The following SNX29 variants were observed in gnomAD, a reference collection of about 807,000 sequenced individuals.
SNX29 encodes sorting nexin-29.
SNX29 carries 78 observed loss-of-function variants against 102.1 expected under a neutral mutation model. The observed-to-expected ratio is 0.76, with a 90% confidence interval of 0.64 to 0.92. The LOEUF is 0.92. Ranked by LOEUF, SNX29 falls within the 40% of genes least tolerant of loss-of-function variation. SNX29 has a pLI of 0.00. For missense variants in SNX29, 1,280 were observed against 1,061.7 expected (o/e 1.21, Z -2.86); for synonymous variants, 580 against 414.5 (o/e 1.40, Z -4.85).
intron 18 of SNX29, among the ~76,000 whole-genome samples, chr16:12,471,340 T>C (rs2151796085): frequency 6.6e-6 from 1 of 152,348 alleles, no homozygotes; most frequent in South Asian, 2.1e-4. Flanking sequence ...GTACAAAATG[T>C]TGTCCTGAAT....
intron 15 of SNX29, among the ~76,000 whole-genome samples, chr16:12,317,642 A>G (rs560411467): frequency 2.7e-4 from 41 of 152,348 alleles, no homozygotes; most frequent in African/African-American, 8.2e-4. Flanking sequence ...TGTGCATTTA[A>G]TTAACACCTG....
intron 14 of SNX29, among the ~76,000 whole-genome samples, chr16:12,249,873 T>C (rs2078370864): frequency 6.6e-6 from 1 of 152,242 alleles, no homozygotes; most frequent in South Asian, 2.1e-4. Context: ...TCTTTCACAC[T>C]GTTCCTGTTC....
intron 14 of SNX29, among the ~76,000 whole-genome samples, chr16:12,207,367 A>G (rs1003386797): frequency 1.3e-5 from 2 of 152,170 alleles, no homozygotes; most frequent in African/African-American, 2.4e-5. Flanking sequence ...AAACTTTGTC[A>G]AAAAATAAAA....
Position 12,348,254 on chromosome 16 carries a change from T to A in SNX29, c.1783-7909T>A, listed in dbSNP as rs2081880282. On this transcript the variant is annotated intron_variant, in intron 15 of 20. Coordinates refer to ENST00000566228, the MANE Select transcript of SNX29 (RefSeq NM_032167.5). ...CCAGTCTCCTGGAATGTCTTCATGC[T>A]GGGATTTTCGTTTGAAGCTGTTGTC... Among the ~76,000 whole-genome samples, 3 of 152,182 alleles carry A rather than the reference T, an allele frequency of 2.0e-5. No individual in the cohort carries two copies. In the South Asian group the frequency reaches 6.2e-4, roughly 32 times the overall value.
intron 20 of SNX29, among the ~76,000 whole-genome samples, chr16:12,539,365 A>C (rs2077220724): frequency 6.6e-6 from 1 of 151,868 alleles, no homozygotes; most frequent in South Asian, 2.1e-4. Context: ...ACTGTAAGCA[A>C]CCTCTTGAGG....
chr16:12,057,816 T>A (rs888097097), intron 8 of SNX29, among the ~76,000 whole-genome samples: 1 of 83,578 alleles, frequency 1.2e-5, no homozygotes, highest in African/African-American at 5.8e-5. Context: ...TATATATATT[T>A]TATATATATA....
At chr16:11,980,906 G>C (rs1159729607) in intron 1 of SNX29, among the ~76,000 whole-genome samples, 1 of 151,386 alleles carries the variant, frequency 6.6e-6, no homozygotes, top group Non-Finnish European at 1.5e-5. Context: ...TCCCTTATCA[G>C]GTTTATTGTT....
At chr16:12,529,203 T>G (rs2076866310) in intron 20 of SNX29, among the ~76,000 whole-genome samples, 1 of 152,210 alleles carries the variant, frequency 6.6e-6, no homozygotes, top group African/African-American at 2.4e-5. Context: ...TTTTCTATTT[T>G]GAACTCTGTA....
At chr16:12,369,974 T>A (rs1184920253) in intron 16 of SNX29, among the ~76,000 whole-genome samples, 2 of 152,124 alleles carry the variant, frequency 1.3e-5, no homozygotes, top group Non-Finnish European at 2.9e-5. Flanking sequence ...CCCAGCACTT[T>A]GGGAGGCTGA....
intron 16 of SNX29, among the ~76,000 whole-genome samples, chr16:12,394,361 C>G (rs1038011738): frequency 1.3e-5 from 2 of 152,204 alleles, no homozygotes; most frequent in Non-Finnish European, 1.5e-5. Context: ...GTTAGAAGAG[C>G]AGGCTCTGGA....
chr16:12,223,459 T>G (rs1401786975), intron 14 of SNX29, among the ~76,000 whole-genome samples: 1 of 152,042 alleles, frequency 6.6e-6, no homozygotes, highest in Non-Finnish European at 1.5e-5. Context: ...GTCAGGAGTT[T>G]GAGACCAGCC....
chr16:12,459,909 A>G (rs1179168168), intron 18 of SNX29, among the ~76,000 whole-genome samples: 1 of 152,172 alleles, frequency 6.6e-6, no homozygotes, highest in African/African-American at 2.4e-5. Flanking sequence ...GACTAAGAAG[A>G]TAGAAGGACC....
At chr16:12,554,845 G>A (rs572528465) in intron 20 of SNX29, among the ~76,000 whole-genome samples, 18 of 152,302 alleles carry the variant, frequency 1.2e-4, no homozygotes, top group African/African-American at 3.4e-4. Context: ...TTCCGTAGGT[G>A]CCAGGGTGCT....
chr16:12,149,023 C>G (rs2055186534), intron 13 of SNX29, among the ~76,000 whole-genome samples: 1 of 152,134 alleles, frequency 6.6e-6, no homozygotes, highest in African/African-American at 2.4e-5. Flanking sequence ...CATTAGTTCA[C>G]CGATAGATCT....
chr16:12,399,770 C>T (rs1357918310), intron 17 of SNX29, among the ~76,000 whole-genome samples: 1 of 151,964 alleles, frequency 6.6e-6, no homozygotes, highest in Non-Finnish European at 1.5e-5. Context: ...GGTGGAGAGG[C>T]TGAGGTGGGT....
chr16:12,516,296 A>G (rs2089860742), intron 19 of SNX29, among the ~76,000 whole-genome samples: 1 of 152,176 alleles, frequency 6.6e-6, no homozygotes, highest in African/African-American at 2.4e-5. Context: ...CCTGGGCAAC[A>G]TAGTGAGACC....
chr16:12,322,364 C>T (rs1480612536), intron 15 of SNX29, among the ~76,000 whole-genome samples: 2 of 152,106 alleles, frequency 1.3e-5, no homozygotes, highest in Admixed American at 1.3e-4. Flanking sequence ...CCCTGGACTC[C>T]AGCACCTAGT....
intron 14 of SNX29, among the ~76,000 whole-genome samples, chr16:12,214,284 T>A (rs1428421921): frequency 6.6e-6 from 1 of 152,174 alleles, no homozygotes; most frequent in Non-Finnish European, 1.5e-5. Flanking sequence ...GTGCCTCAGC[T>A]CCCTCCTCGG....
chr16:12,346,834 A>AG (rs1463089858), intron 15 of SNX29, among the ~76,000 whole-genome samples: 2 of 152,020 alleles, frequency 1.3e-5, no homozygotes, highest in East Asian at 1.9e-4. Context: ...CATTGTCTCC[A>AG]GGGGGGTAGC....
Sources: allele counts gnomAD v4.1 joint callset (sites outside exome capture counted in the v4.1 genomes callset), GRCh38; gene constraint gnomAD v4.1.1; transcripts MANE v1.5; gene names NCBI Gene and HGNC (gene_info 2026-07-23, HGNC 2026-07-21).